Variants in DAB1 observed in about 807,000 individuals in gnomAD.
The protein encoded by DAB1 is disabled homolog 1.
A neutral mutation model predicts 64.6 loss-of-function variants in DAB1; 15 were observed. That is an observed-to-expected ratio of 0.23 (90% CI 0.16 to 0.36). The LOEUF (loss-of-function observed/expected upper bound fraction) is 0.36. Among genes scored for constraint, DAB1 ranks in the 10% least tolerant of loss-of-function variants. DAB1 has a pLI of 1.00. For synonymous variants in DAB1, 235 were observed against 251.9 expected, an observed-to-expected ratio of 0.93 and a Z score of 0.64; for missense variants, 596 against 706.7, an observed-to-expected ratio of 0.84 and a Z score of 1.78.
intron 1 of DAB1, among the ~76,000 whole-genome samples, chr1:57,873,229 TA>T (rs1219428429): frequency 6.6e-6 from 1 of 152,196 alleles, no homozygotes; most frequent in Non-Finnish European, 1.5e-5. Context: ...CAAACAAAGA[TA>T]TATAAATATT....
intron 2 of DAB1, among the ~76,000 whole-genome samples, chr1:57,281,586 C>A (rs1671898420): frequency 6.6e-6 from 1 of 152,062 alleles, no homozygotes; most frequent in Non-Finnish European, 1.5e-5. Context: ...TCTCTGATGC[C>A]ATGATAAGCA....
intron 4 of DAB1, among the ~76,000 whole-genome samples, chr1:57,106,873 A>G (rs1655209685): frequency 6.6e-6 from 1 of 152,276 alleles, no homozygotes; most frequent in African/African-American, 2.4e-5. Flanking sequence ...ACATTATAAA[A>G]AAATAAAAAC....
chr1:57,611,875 A>G (rs747153021), intron 7 of DAB1, among the ~76,000 whole-genome samples: 1 of 152,190 alleles, frequency 6.6e-6, no homozygotes, highest in Non-Finnish European at 1.5e-5. Flanking sequence ...AGGTCTTCCT[A>G]TTGCACTTAG....
chr1:57,660,442 G>C (rs1646373250), intron 6 of DAB1, among the ~76,000 whole-genome samples: 1 of 152,202 alleles, frequency 6.6e-6, no homozygotes, highest in Non-Finnish European at 1.5e-5. Flanking sequence ...CGGAACTCTT[G>C]AGAGATACCA....
At chr1:57,894,513 G>A (rs538600317) in intron 5 of DAB1, among the ~76,000 whole-genome samples, 1 of 152,270 alleles carries the variant, frequency 6.6e-6, no homozygotes, top group East Asian at 1.9e-4. Context: ...ATTCACAAAG[G>A]TAAACACCTT....
At chr1:57,679,267 T>G (rs1398638064) in intron 6 of DAB1, among the ~76,000 whole-genome samples, 1 of 152,172 alleles carries the variant, frequency 6.6e-6, no homozygotes, top group African/African-American at 2.4e-5. Flanking sequence ...ACAAAGTTGT[T>G]GGTGAGGGTG....
intron 7 of DAB1, among the ~76,000 whole-genome samples, chr1:57,554,403 T>C (rs920809382): frequency 3.3e-5 from 5 of 152,222 alleles, no homozygotes; most frequent in African/African-American, 7.2e-5. Flanking sequence ...ATCATGAAGA[T>C]TCTGTGAAAG....
At chr1:57,018,244 G>A (rs1267269209) in intron 11 of DAB1, among the ~76,000 whole-genome samples, 1 of 152,190 alleles carries the variant, frequency 6.6e-6, no homozygotes, top group Non-Finnish European at 1.5e-5. Context: ...GAAAATGGCA[G>A]TGCCTGACAT....
At chr1:57,041,691 AT>A (rs1303942672) in intron 9 of DAB1, among the ~76,000 whole-genome samples, 1 of 152,200 alleles carries the variant, frequency 6.6e-6, no homozygotes, top group Non-Finnish European at 1.5e-5. Flanking sequence ...TAAGGCTTCC[AT>A]TAGTGTCTGA....
chr1:57,113,943 A>G (rs541449071), intron 4 of DAB1, among the ~76,000 whole-genome samples: 3 of 152,368 alleles, frequency 2.0e-5, no homozygotes, highest in Admixed American at 6.5e-5. Context: ...TTCAAAATGC[A>G]CATACTCTTA....
At chr1:57,060,894 T>C (rs1382873544) in intron 9 of DAB1, among the ~76,000 whole-genome samples, 1 of 151,890 alleles carries the variant, frequency 6.6e-6, no homozygotes, top group African/African-American at 2.4e-5. Context: ...GCCAGAATCA[T>C]TAATAAATTC....
chr1:58,543,162 C>A (rs369177288), intron 1 of DAB1, among the ~76,000 whole-genome samples: 1 of 152,016 alleles, frequency 6.6e-6, no homozygotes, highest in African/African-American at 2.4e-5. Context: ...TTACTTTATC[C>A]CCAAAATAAT....
At chr1:57,607,969 G>C (rs955049187) in intron 7 of DAB1, among the ~76,000 whole-genome samples, 4 of 152,152 alleles carry the variant, frequency 2.6e-5, no homozygotes, top group Non-Finnish European at 5.9e-5. Flanking sequence ...AGGTAAGACA[G>C]AGCATGCAAC....
chr1:57,585,272 A>C (rs1443726220), intron 7 of DAB1, among the ~76,000 whole-genome samples: 26 of 151,244 alleles, frequency 1.7e-4, no homozygotes, highest in Admixed American at 1.5e-3. Flanking sequence ...AAAAAAAAAA[A>C]AAAGACTTAC....
At chr1:57,686,779 A>T (rs937482797) in intron 6 of DAB1, among the ~76,000 whole-genome samples, 2 of 152,236 alleles carry the variant, frequency 1.3e-5, no homozygotes, top group African/African-American at 4.8e-5. Context: ...GATTTACCGC[A>T]TAAACACAAT....
chr1:57,686,116 C>A (rs758729225), intron 6 of DAB1, among the ~76,000 whole-genome samples: 1 of 152,074 alleles, frequency 6.6e-6, no homozygotes, highest in East Asian at 1.9e-4. Flanking sequence ...TAAAACCAAA[C>A]ATTGGTTTTT....
rs937738425 is a variant in DAB1, at chr1:58,398,877, T to C, written n.258-55474A>G. On this transcript the variant is annotated intron_variant and non_coding_transcript_variant, in intron 3 of 20. Coordinates refer to the DAB1 transcript ENST00000485760. Reference sequence around the variant, plus strand: ...TGTATCACTTTGCTGAGTTACTTAATGTCTCAGAGCCTCAAGTTACTCATC... The same window carrying C: ...TGTATCACTTTGCTGAGTTACTTAACGTCTCAGAGCCTCAAGTTACTCATC... Among the ~76,000 whole-genome samples the C allele has an allele frequency of 3.3e-5, 5 of 152,200 alleles. No homozygotes were observed. The East Asian group carries it at 9.6e-4, about 29-fold the overall frequency.
rs57653531 is a variant in DAB1, at chr1:57,212,359, C to CTT, written c.68-66932_68-66931dup. On this transcript the variant is annotated intron_variant, in intron 2 of 14. Coordinates refer to ENST00000371236, the MANE Select transcript of DAB1 (RefSeq NM_001365792.1). ...TAATATTACATGTATATATTATTTCCTTTTTTTTTTTTTTTTTTTTTTTTT... is the reference window on the plus strand; with the variant it reads ...TAATATTACATGTATATATTATTTCCTTTTTTTTTTTTTTTTTTTTTTTTTTT... 7.9e-4 allele frequency among the ~76,000 whole-genome samples: 65 copies of CTT among 82,190 alleles called. 1 individual carries two copies. Among genetic ancestry groups the CTT allele is most frequent in the African/African-American group, 1.0e-3 (21 of 20,232 alleles). The allele number at this position is 82,190 out of a possible 152,430, so 53.9% of individuals were successfully genotyped here.
chr1:58,308,740 T>C (rs886526248), intron 4 of DAB1, among the ~76,000 whole-genome samples: 1 of 152,104 alleles, frequency 6.6e-6, no homozygotes, highest in Non-Finnish European at 1.5e-5. Context: ...GCCACTTCGC[T>C]CTCCCTCTGT....
Sources: allele counts gnomAD v4.1 joint callset (sites outside exome capture counted in the v4.1 genomes callset), GRCh38; gene constraint gnomAD v4.1.1; transcripts MANE v1.5; gene names NCBI Gene and HGNC (gene_info 2026-07-23, HGNC 2026-07-21).